SLC35F4: variants seen among roughly 807,000 people sequenced by gnomAD.
The protein encoded by SLC35F4 is solute carrier family 35 member F4.
In SLC35F4, 24 loss-of-function variants were observed where a neutral mutation model predicts 44.2. The observed-to-expected ratio is 0.54, with a 90% CI of 0.39 to 0.76. SLC35F4 has a LOEUF of 0.76. Ranked by LOEUF, SLC35F4 falls within the 30% of genes least tolerant of loss-of-function variation. The pLI is 0.00. For missense variants in SLC35F4, 562 were observed against 586.1 expected (o/e 0.96, Z 0.42); for synonymous variants, 238 against 223.6 (o/e 1.06, Z -0.57).
chr14:57,825,171 G>T (rs1453504831), intron 1 of SLC35F4, among the ~76,000 whole-genome samples: 1 of 152,140 alleles, frequency 6.6e-6, no homozygotes, highest in East Asian at 1.9e-4. Context: ...GGAAGGTGGG[G>T]CTGCCATTTA....
At chr14:57,747,350 A>G (rs1162388043) in intron 1 of SLC35F4, among the ~76,000 whole-genome samples, 1 of 152,196 alleles carries the variant, frequency 6.6e-6, no homozygotes, top group South Asian at 2.1e-4. Flanking sequence ...GGGTTAGCCT[A>G]CCTTTGCAAT....
chr14:57,667,927 T>G (rs1367917645), intron 1 of SLC35F4, among the ~76,000 whole-genome samples: 2 of 137,358 alleles, frequency 1.5e-5, no homozygotes, highest in African/African-American at 5.6e-5. Context: ...CCACAATGGT[T>G]GAACTAGTTT....
chr14:57,885,906 A>T (rs1388820063), intron 1 of SLC35F4, among the ~76,000 whole-genome samples: 3 of 152,194 alleles, frequency 2.0e-5, no homozygotes, highest in African/African-American at 7.2e-5. Flanking sequence ...TCCTTCAGAG[A>T]TTTCTTACAT....
intron 1 of SLC35F4, among the ~76,000 whole-genome samples, chr14:57,837,997 C>T (rs889949104): frequency 2.0e-5 from 3 of 152,128 alleles, no homozygotes; most frequent in Non-Finnish European, 2.9e-5. Context: ...ATATGAGTCC[C>T]GTGCTTTTAC....
At chr14:57,679,796 C>T (rs2074828916) in intron 1 of SLC35F4, among the ~76,000 whole-genome samples, 2 of 152,138 alleles carry the variant, frequency 1.3e-5, no homozygotes, top group Middle Eastern at 6.8e-3. Context: ...AATTCCTAGA[C>T]ACATACACCC....
chr14:57,711,593 G>A (rs10131750), intron 1 of SLC35F4, among the ~76,000 whole-genome samples: 5,304 of 149,996 alleles, frequency 0.035, 315 homozygotes, highest in African/African-American at 0.12. Flanking sequence ...ACATACTGTT[G>A]AAAGAACCAC....
At chr14:57,581,073 C>T (rs536293281) in intron 4 of SLC35F4, 141 bp downstream of exon 4, 10 of 747,146 alleles carry the variant, frequency 1.3e-5, no homozygotes, top group Non-Finnish European at 1.8e-5. Context: ...CTTTCTAATG[C>T]GTCTTCAGAT....
intron 1 of SLC35F4, among the ~76,000 whole-genome samples, chr14:57,802,517 A>T (rs1017223460): frequency 4.7e-5 from 7 of 147,608 alleles, no homozygotes; most frequent in African/African-American, 1.8e-4. Flanking sequence ...GAAAAAAAAA[A>T]TCAATGAATC....
At chr14:57,626,940 GT>G (rs1309256910) in intron 1 of SLC35F4, among the ~76,000 whole-genome samples, 1 of 152,076 alleles carries the variant, frequency 6.6e-6, no homozygotes, top group Non-Finnish European at 1.5e-5. Context: ...AAAATCTGAG[GT>G]TTTATTTACT....
At chr14:57,945,439 ATGTGTGTGTGTGTGTGTG>A (rs58976756) in intron 1 of SLC35F4, among the ~76,000 whole-genome samples, 107 of 104,744 alleles carry the variant, frequency 1.0e-3, no homozygotes, top group Middle Eastern at 4.2e-3. Flanking sequence ...AGCAATGATA[ATGTGTGTGTGTGTGTGTG>A]TGTGTGTGTG....
At chr14:57,936,881 C>T (rs1329360177) in intron 1 of SLC35F4, among the ~76,000 whole-genome samples, 4 of 152,066 alleles carry the variant, frequency 2.6e-5, no homozygotes, top group African/African-American at 9.7e-5. Context: ...TAAGCCAACA[C>T]ATGCATGGAA....
intron 1 of SLC35F4, among the ~76,000 whole-genome samples, chr14:57,671,924 G>C (rs1035238386): frequency 6.6e-6 from 1 of 151,734 alleles, no homozygotes; most frequent in Non-Finnish European, 1.5e-5. Context: ...TTTTTTTCTT[G>C]GTTTCTTCCC....
intron 1 of SLC35F4, among the ~76,000 whole-genome samples, chr14:57,950,961 G>A (rs904418718): frequency 7.2e-5 from 11 of 152,200 alleles, no homozygotes; most frequent in South Asian, 6.2e-4. Flanking sequence ...CACCACGCCC[G>A]GCCTGGATAG....
At chr14:57,930,255 T>A (rs1889670901) in intron 1 of SLC35F4, among the ~76,000 whole-genome samples, 1 of 152,176 alleles carries the variant, frequency 6.6e-6, no homozygotes. Flanking sequence ...ACTGCATCAG[T>A]TTCATACAGA....
In SLC35F4 at chr14:57,578,377, G is replaced by A. The variant is rs1370851234; in HGVS notation, c.807+2837C>T. 4.0e-4 allele frequency among the ~76,000 whole-genome samples: 39 copies of A among 96,940 alleles called. No homozygotes were observed. In the Admixed American group the frequency reaches 5.4e-3, roughly 14 times the overall value. The allele number at this position is 96,940 out of a possible 152,430, so 63.6% of individuals were successfully genotyped here. On this transcript the variant is annotated intron_variant, in intron 4 of 7. Transcript: ENST00000556826. ...TTTTTTTTTTTTGAGTAGTCCAGTGGGATGACATCTGGAGGGGCTATGCTT... is the reference window on the plus strand; with the variant it reads ...TTTTTTTTTTTTGAGTAGTCCAGTGAGATGACATCTGGAGGGGCTATGCTT...
intron 1 of SLC35F4, among the ~76,000 whole-genome samples, chr14:57,839,194 C>A (rs1469779651): frequency 6.6e-6 from 1 of 152,092 alleles, no homozygotes; most frequent in Non-Finnish European, 1.5e-5. Flanking sequence ...AGCCCAGGTT[C>A]ATTATTCACC....
At chr14:57,619,311 G>A (rs544547098) in intron 1 of SLC35F4, among the ~76,000 whole-genome samples, 2 of 152,296 alleles carry the variant, frequency 1.3e-5, no homozygotes, top group Admixed American at 6.5e-5. Context: ...CATCTGGCGG[G>A]TGCCCCTCTG....
chr14:57,860,421 G>A (rs1051679470), intron 1 of SLC35F4, among the ~76,000 whole-genome samples: 1 of 152,166 alleles, frequency 6.6e-6, no homozygotes, highest in Non-Finnish European at 1.5e-5. Context: ...CAGGGAAGGT[G>A]GGACTGTTTG....
chr14:57,922,557 C>T (rs771402958), intron 1 of SLC35F4, among the ~76,000 whole-genome samples: 9 of 152,160 alleles, frequency 5.9e-5, no homozygotes, highest in Admixed American at 3.9e-4. Flanking sequence ...ATTACTGATG[C>T]CTGAAAGAAA....
Sources: allele counts gnomAD v4.1 joint callset (sites outside exome capture counted in the v4.1 genomes callset), GRCh38; gene constraint gnomAD v4.1.1; transcripts MANE v1.5; gene names NCBI Gene and HGNC (gene_info 2026-07-23, HGNC 2026-07-21).